The following WDR70 variants were observed in gnomAD, a reference collection of about 807,000 sequenced individuals.
WDR70 encodes the protein WD repeat domain 70, also known as WD repeat-containing protein 70.
In WDR70, 53 loss-of-function variants were observed where a neutral mutation model predicts 88.6. The ratio of observed to expected loss-of-function variants is 0.60; its 90% CI spans 0.48 to 0.75. The LOEUF is 0.75. Among genes scored for constraint, WDR70 ranks in the 30% least tolerant of loss-of-function variants. The pLI is 0.00. For synonymous variants in WDR70, 280 were observed against 270.0 expected (o/e 1.04, Z -0.36); for missense variants, 610 against 823.2 (o/e 0.74, Z 3.17).
At chr5:37,414,776 C>CAATT (rs1446703493) in intron 5 of WDR70, among the ~76,000 whole-genome samples, 3 of 149,930 alleles carry the variant, frequency 2.0e-5, no homozygotes, top group African/African-American at 7.6e-5. Flanking sequence ...GATCTAGTCA[C>CAATT]AATTATTCTT....
chr5:37,615,668 A>G (rs1053949142), intron 10 of WDR70, among the ~76,000 whole-genome samples: 1 of 152,250 alleles, frequency 6.6e-6, no homozygotes, highest in Admixed American at 6.5e-5. Flanking sequence ...TACATGTGAA[A>G]CAACCCACCA....
intron 9 of WDR70, among the ~76,000 whole-genome samples, chr5:37,572,534 G>A (rs1241261295): frequency 1.3e-5 from 2 of 152,018 alleles, no homozygotes; most frequent in Non-Finnish European, 2.9e-5. Flanking sequence ...CAGTGTATCC[G>A]TCAGAGGAGA....
At chr5:37,578,582 T>G (rs1244801247) in intron 9 of WDR70, among the ~76,000 whole-genome samples, 1 of 152,190 alleles carries the variant, frequency 6.6e-6, no homozygotes, top group Non-Finnish European at 1.5e-5. Flanking sequence ...TCGAAGCAAA[T>G]TTGTGTCATT....
At chr5:37,379,651 T>C in intron 2 of WDR70, 97 bp downstream of exon 2, 3 of 1,339,026 alleles carry the variant, frequency 2.2e-6, no homozygotes, top group African/African-American at 1.4e-5. Context: ...TCGGAATTAT[T>C]GTAGCTCGGG....
chr5:37,561,033 A>AT (rs999930358), intron 9 of WDR70, among the ~76,000 whole-genome samples: 1 of 152,018 alleles, frequency 6.6e-6, no homozygotes, highest in African/African-American at 2.4e-5. Context: ...TGGTACACCT[A>AT]TGACTGGCAG....
intron 5 of WDR70, among the ~76,000 whole-genome samples, chr5:37,424,169 AAAAC>A (rs1750046595): frequency 6.7e-6 from 1 of 150,254 alleles, no homozygotes; most frequent in South Asian, 2.1e-4. Context: ...AAAAAAAAAA[AAAAC>A]AAAGACAAAA....
chr5:37,660,781 C>T (rs1745679921), intron 10 of WDR70, among the ~76,000 whole-genome samples: 1 of 151,998 alleles, frequency 6.6e-6, no homozygotes, highest in African/African-American at 2.4e-5. Context: ...TCTGTGCTGT[C>T]CCATATATGT....
intron 10 of WDR70, among the ~76,000 whole-genome samples, chr5:37,628,534 C>G (rs572680449): frequency 6.6e-6 from 1 of 152,288 alleles, no homozygotes; most frequent in African/African-American, 2.4e-5. Context: ...ATAGCTACTC[C>G]TGCTCACTTG....
At chr5:37,518,198 A>C (rs188779993) in intron 9 of WDR70, among the ~76,000 whole-genome samples, 161 of 152,208 alleles carry the variant, frequency 1.1e-3, no homozygotes, top group African/African-American at 3.8e-3. Flanking sequence ...TATAGACATG[A>C]GCCACTGCGC....
chr5:37,610,138 C>T (rs1744146359), intron 10 of WDR70, among the ~76,000 whole-genome samples: 1 of 151,966 alleles, frequency 6.6e-6, no homozygotes, highest in African/African-American at 2.4e-5. Context: ...TGGTGGCAGG[C>T]ACCTGTAGTC....
At chr5:37,577,774 T>C (rs1382116455) in intron 9 of WDR70, among the ~76,000 whole-genome samples, 2 of 152,138 alleles carry the variant, frequency 1.3e-5, no homozygotes, top group Non-Finnish European at 2.9e-5. Flanking sequence ...GGGAAAGATA[T>C]TACATTCTAT....
chr5:37,533,922 C>A (rs1215404324), intron 9 of WDR70, among the ~76,000 whole-genome samples: 4 of 152,086 alleles, frequency 2.6e-5, no homozygotes, highest in Non-Finnish European at 5.9e-5. Context: ...GAGAACTTGC[C>A]CCAGACCGTG....
chr5:37,556,715 T>C (rs1742303529), intron 9 of WDR70, among the ~76,000 whole-genome samples: 1 of 152,048 alleles, frequency 6.6e-6, no homozygotes, highest in Non-Finnish European at 1.5e-5. Context: ...TAGAGGAAAA[T>C]AGGGAAGGGT....
At chr5:37,501,497 G>A (rs553975214) in intron 8 of WDR70, among the ~76,000 whole-genome samples, 171 of 152,174 alleles carry the variant, frequency 1.1e-3, no homozygotes, top group Middle Eastern at 3.4e-3. Context: ...GGTAGCTGAT[G>A]AGCTTAAAAA....
At chr5:37,497,389 T>TC in intron 8 of WDR70, among the ~76,000 whole-genome samples, 1 of 80,832 alleles carries the variant, frequency 1.2e-5, no homozygotes, top group South Asian at 5.8e-4. Context: ...TCCCTCCCCT[T>TC]CCCTCCCTTT....
chr5:37,509,836 G>C (rs569222140), intron 8 of WDR70, among the ~76,000 whole-genome samples: 76 of 138,948 alleles, frequency 5.5e-4, no homozygotes, highest in African/African-American at 2.0e-3. Context: ...TGGGCAACCA[G>C]AATATTTTTT....
intron 10 of WDR70, among the ~76,000 whole-genome samples, chr5:37,664,255 A>G (rs148302686): frequency 2.5e-4 from 38 of 152,310 alleles, no homozygotes; most frequent in African/African-American, 8.7e-4. Flanking sequence ...TCTGTCCTTA[A>G]ATCCCTTCAA....
chr5:37,739,573 G>A (rs1332417746), intron 17 of WDR70, among the ~76,000 whole-genome samples: 2 of 151,450 alleles, frequency 1.3e-5, no homozygotes, highest in African/African-American at 4.9e-5. Flanking sequence ...TTATGTTGCT[G>A]TCATGTTTTT....
Position 37,721,128 on chromosome 5 carries a change from G to C in WDR70, c.1430G>C (p.Cys477Ser). ...IDITDASVVR[C>S]LWHPKLNQIM... Reference sequence around the variant, plus strand: ...TTTCCTTTGCAGAGTGTTGTTCGCTGCCTGTGGCATCCAAAGCTGAACCAG... The same window carrying C: ...TTTCCTTTGCAGAGTGTTGTTCGCTCCCTGTGGCATCCAAAGCTGAACCAG... Residue 477 changes from cysteine (C) to serine (S), a missense_variant, in exon 14 of 18, where the codon TGC (cysteine) becomes TCC (serine). Physicochemically the swap from Cys to Ser is moderately radical, Grantham distance 112 (BLOSUM62 -1). Around this residue, in one of 4 missense-constraint regions of WDR70, gnomAD observed 254 missense variants for 300.7 expected, o/e 0.84. Transcript: ENST00000265107. 1 of 1,613,698 alleles carries C rather than the reference G, an allele frequency of 6.2e-7. No individual in the cohort carries two copies. The highest frequency in any genetic ancestry group is 1.1e-5 in the South Asian group (1 of 91,068).
Sources: allele counts gnomAD v4.1 joint callset (sites outside exome capture counted in the v4.1 genomes callset), GRCh38; gene constraint gnomAD v4.1.1; regional missense constraint gnomAD v4.1.1; transcripts MANE v1.5; gene names NCBI Gene and HGNC (gene_info 2026-07-23, HGNC 2026-07-21).